PHIP: variants seen among roughly 807,000 people sequenced by gnomAD.
PHIP encodes PHIP subunit of CUL4-Ring ligase complex.
PHIP carries 54 observed loss-of-function variants against 236.8 expected under a neutral mutation model. That is an observed-to-expected ratio of 0.23 (90% CI 0.18 to 0.29). The LOEUF is 0.29. PHIP is among the 10% of genes least tolerant of loss of function. PHIP has a pLI of 1.00. For missense variants in PHIP, 1,370 were observed against 2,190.8 expected, an observed-to-expected ratio of 0.63 and a Z score of 7.48; for synonymous variants, 756 against 718.9, an observed-to-expected ratio of 1.05 and a Z score of -0.83.
At chr6:79,077,984 G>C in intron 1 of PHIP, 45 bp downstream of exon 1, 1 of 1,602,888 alleles carries the variant, frequency 6.2e-7, no homozygotes, top group Non-Finnish European at 8.5e-7. Context: ...GGGACCGCGG[G>C]CGGAATCGCC....
intron 29 of PHIP, among the ~76,000 whole-genome samples, chr6:78,964,379 A>G (rs907748136): frequency 6.6e-5 from 10 of 152,224 alleles, no homozygotes; most frequent in Non-Finnish European, 1.3e-4. Flanking sequence ...TTGGATTACA[A>G]TAACTACTGA....
chr6:79,001,605 A>G (rs1436105869), intron 17 of PHIP, among the ~76,000 whole-genome samples: 1 of 152,122 alleles, frequency 6.6e-6, no homozygotes, highest in Non-Finnish European at 1.5e-5. Flanking sequence ...GATTATCAAT[A>G]AATGTTGCTG....
intron 35 of PHIP, 129 bp from the exon 36 acceptor site, chr6:78,947,904 C>T: frequency 2.0e-6 from 1 of 500,262 alleles, no homozygotes; most frequent in Non-Finnish European, 3.5e-6. Context: ...CTCCTGTTCC[C>T]CTTATCAAGA....
intron 24 of PHIP, among the ~76,000 whole-genome samples, chr6:78,972,074 A>C (rs1377909678): frequency 1.3e-5 from 2 of 152,176 alleles, no homozygotes; most frequent in Non-Finnish European, 1.5e-5. Flanking sequence ...CTCTGGGGGC[A>C]GGGCACAGAC....
intron 16 of PHIP, among the ~76,000 whole-genome samples, chr6:79,002,876 AT>A (rs1770077071): frequency 6.6e-6 from 1 of 152,060 alleles, no homozygotes; most frequent in Non-Finnish European, 1.5e-5. Context: ...ATCACATAAG[AT>A]TTTCTAAGGG....
chr6:78,990,543 A>C (rs1263427534), intron 20 of PHIP, among the ~76,000 whole-genome samples: 1 of 152,178 alleles, frequency 6.6e-6, no homozygotes, highest in Non-Finnish European at 1.5e-5. Flanking sequence ...AAAACATAAC[A>C]AAATGCTATT....
chr6:79,057,780 C>G (rs1773148467), intron 6 of PHIP, among the ~76,000 whole-genome samples: 1 of 152,018 alleles, frequency 6.6e-6, no homozygotes, highest in African/African-American at 2.4e-5. Flanking sequence ...TTTTTTCAAT[C>G]TTCTGAACCA....
chr6:79,032,839 G>T (rs563050147), intron 7 of PHIP, among the ~76,000 whole-genome samples: 2 of 151,808 alleles, frequency 1.3e-5, no homozygotes, highest in East Asian at 3.9e-4. Context: ...GATGTACTTT[G>T]CCCAGATCCA....
Position 79,077,431 on chromosome 6 carries a change from C to T in PHIP, c.189+17G>A. 1 of 1,588,638 alleles carries T rather than the reference C, an allele frequency of 6.3e-7. No homozygotes were observed. The highest frequency in any genetic ancestry group is 1.7e-4 in the Middle Eastern group (1 of 5,980). On this transcript the variant is annotated intron_variant, in intron 4 of 39. Transcript: ENST00000275034. ...CTCAGGGAAAAGTTTCTTTGCTCTG[C>T]GACGTGAATGTCTCACCAGATTCTG...
chr6:79,036,866 G>A lies in PHIP; in HGVS notation c.600+5977C>T, dbSNP rs756592635. Among the ~76,000 whole-genome samples the A allele has an allele frequency of 3.8e-5, 5 of 133,214 alleles. No individual in the cohort carries two copies. The East Asian group carries it at 1.0e-3, about 28-fold the overall frequency. The allele number at this position is 133,214 out of a possible 152,430, so 87.4% of individuals were successfully genotyped here. A position where few individuals can be genotyped will look rare whatever the true frequency, so the allele number is the denominator to read the frequency against. On this transcript the variant is annotated intron_variant, in intron 7 of 39. Coordinates refer to ENST00000275034, the MANE Select transcript of PHIP (RefSeq NM_017934.7). Reference sequence around the variant, plus strand: ...AACCTGGGAGGTGGAGCTTGCAAGTGAGTTGAGATGGTGCCACTGCACTCC... The same window carrying A: ...AACCTGGGAGGTGGAGCTTGCAAGTAAGTTGAGATGGTGCCACTGCACTCC...
At chr6:79,002,607 G>A (rs1189578008) in intron 16 of PHIP, among the ~76,000 whole-genome samples, 2 of 152,102 alleles carry the variant, frequency 1.3e-5, no homozygotes, top group Non-Finnish European at 2.9e-5. Context: ...AACACAGTGT[G>A]AATAGGGTTT....
At position 78,941,149 on chromosome 6, in the gene PHIP, C is replaced by T. The variant is rs1351207556; in HGVS notation, c.5010G>A (p.Lys1670=). 1 of 1,613,856 alleles carries T rather than the reference C, an allele frequency of 6.2e-7. No individual in the cohort carries two copies. Among genetic ancestry groups the T allele is most frequent in the Non-Finnish European group, 8.5e-7 (1 of 1,179,904 alleles). Residue 1670 remains lysine (K), a synonymous_variant, in exon 40 of 40, where the codon AAG becomes AAA. Transcript: ENST00000275034. ...GRKPKKLQYA[K]PEDLEQNNVH... is the part of the protein sequence containing the mutation. ...CATTATTTTGCTCTAAATCTTCTGG[C>T]TTTGCATACTGTAGCTTTTTGGGCT...
chr6:78,991,179 G>T (rs894013120), intron 19 of PHIP, among the ~76,000 whole-genome samples, 194 bp from the exon 20 acceptor site: 4 of 152,126 alleles, frequency 2.6e-5, no homozygotes, highest in Non-Finnish European at 1.5e-5. Flanking sequence ...CTGAAATAAT[G>T]GAAAGACAAA....
At chr6:79,073,353 A>G (rs1773990179) in intron 4 of PHIP, among the ~76,000 whole-genome samples, 2 of 152,184 alleles carry the variant, frequency 1.3e-5, no homozygotes, top group African/African-American at 4.8e-5. Context: ...TATAACGACC[A>G]TATGAGATTA....
chr6:79,062,084 C>A (rs888927761), intron 4 of PHIP, among the ~76,000 whole-genome samples: 2 of 152,046 alleles, frequency 1.3e-5, no homozygotes, highest in African/African-American at 4.8e-5. Context: ...GTTTGGCATA[C>A]AGTAGGTGAT....
At chr6:79,069,518 C>T (rs1269033290) in intron 4 of PHIP, among the ~76,000 whole-genome samples, 1 of 152,022 alleles carries the variant, frequency 6.6e-6, no homozygotes, top group African/African-American at 2.4e-5. Flanking sequence ...AGTTCAAAGG[C>T]AGCAGTTTGT....
At chr6:79,001,854 G>C (rs780324460) in intron 17 of PHIP, 45 bp downstream of exon 17, 3 of 1,246,752 alleles carry the variant, frequency 2.4e-6, no homozygotes, top group Non-Finnish European at 3.5e-6. Context: ...TTAACAGTTC[G>C]GTGGGAAGAA....
intron 9 of PHIP, among the ~76,000 whole-genome samples, chr6:79,020,506 T>C (rs1448789645): frequency 6.6e-6 from 1 of 152,336 alleles, no homozygotes. Context: ...ACTAAATGCA[T>C]TGCTTTCATT....
intron 32 of PHIP, chr6:78,958,203 T>C (rs1240299753): frequency 1.2e-5 from 3 of 248,804 alleles, no homozygotes; most frequent in South Asian, 1.4e-4. Context: ...ATTGAGAAAA[T>C]AATCTTTTTT....
Sources: allele counts gnomAD v4.1 joint callset (sites outside exome capture counted in the v4.1 genomes callset), GRCh38; gene constraint gnomAD v4.1.1; transcripts MANE v1.5; gene names NCBI Gene and HGNC (gene_info 2026-07-23, HGNC 2026-07-21).